The following RCC2 variants were observed in gnomAD, a reference collection of about 807,000 sequenced individuals.
RCC2 encodes regulator of chromosome condensation 2, also known as protein RCC2.
A neutral mutation model predicts 64.1 loss-of-function variants in RCC2; 19 were observed. The ratio of observed to expected loss-of-function variants is 0.30; its 90% confidence interval spans 0.21 to 0.44. The LOEUF (loss-of-function observed/expected upper bound fraction) is 0.44, where lower values mean the gene tolerates loss of function less well. Ranked by LOEUF, RCC2 falls within the 20% of genes least tolerant of loss-of-function variation. The pLI, the probability that RCC2 is intolerant of heterozygous loss-of-function variation, is 1.00. For synonymous variants in RCC2, 325 were observed against 279.6 expected (o/e 1.16, Z -1.62); for missense variants, 508 against 710.4 (o/e 0.72, Z 3.24).
At chr1:17,426,243 C>T (rs978342463) in intron 3 of RCC2, among the ~76,000 whole-genome samples, 2 of 152,090 alleles carry the variant, frequency 1.3e-5, no homozygotes, top group African/African-American at 2.4e-5. Flanking sequence ...AGGGGTGACC[C>T]GAGTGTCCTG....
chr1:17,433,092 G>C (rs1021061248), intron 2 of RCC2, among the ~76,000 whole-genome samples: 3 of 151,942 alleles, frequency 2.0e-5, no homozygotes, highest in African/African-American at 7.3e-5. Flanking sequence ...GAAAAACCCC[G>C]GTAAACTGAG....
In RCC2 at chr1:17,408,960, G is replaced by C. The variant is rs371432830; in HGVS notation, c.*130C>G. The C allele has an allele frequency of 8.7e-5, 63 of 727,084 alleles. No homozygotes were observed. Among genetic ancestry groups the C allele is most frequent in the East Asian group, 3.2e-4 (13 of 40,676 alleles). 45.0% of individuals were successfully genotyped at this position (727,084 alleles called of 1,614,324 possible). ...ATCATGTGTAAAACGGAACCTCAGGGAGTCTAAACAAAAATGCACCTTCGG... is the reference window on the plus strand; with the variant it reads ...ATCATGTGTAAAACGGAACCTCAGGCAGTCTAAACAAAAATGCACCTTCGG... On this transcript the variant is annotated 3_prime_UTR_variant, in exon 13 of 13. Coordinates refer to ENST00000375436, the MANE Select transcript of RCC2 (RefSeq NM_018715.4).
At chr1:17,413,801 T>A (rs1241949916) in intron 8 of RCC2, 84 bp from the exon 9 acceptor site, 1 of 1,236,762 alleles carries the variant, frequency 8.1e-7, no homozygotes, top group East Asian at 2.3e-5. Context: ...GCAGACAACC[T>A]GGTGCAAATG....
chr1:17,432,628 G>C (rs2100392772), intron 2 of RCC2, among the ~76,000 whole-genome samples: 1 of 152,366 alleles, frequency 6.6e-6, no homozygotes, highest in South Asian at 2.1e-4. Context: ...GCTCCATCAG[G>C]CCAGAGGGCA....
chr1:17,436,506 CA>C (rs1406614709), intron 2 of RCC2, among the ~76,000 whole-genome samples: 7 of 146,896 alleles, frequency 4.8e-5, no homozygotes, highest in Non-Finnish European at 9.0e-5. Context: ...GACTCTGCCT[CA>C]AAAAAAAAAG....
At chr1:17,429,531 G>A (rs2075652002) in intron 2 of RCC2, among the ~76,000 whole-genome samples, 1 of 152,146 alleles carries the variant, frequency 6.6e-6, no homozygotes, top group African/African-American at 2.4e-5. Context: ...GGTATTTGCA[G>A]GAAGCCTGCC....
chr1:17,423,913 G>A (rs1174577812), intron 4 of RCC2, among the ~76,000 whole-genome samples: 1 of 152,236 alleles, frequency 6.6e-6, no homozygotes, highest in Non-Finnish European at 1.5e-5. Context: ...TCTGACTACA[G>A]AAGGAATTGC....
At chr1:17,423,598 G>A (rs1478477768) in intron 4 of RCC2, among the ~76,000 whole-genome samples, 2 of 152,272 alleles carry the variant, frequency 1.3e-5, no homozygotes, top group African/African-American at 4.8e-5. Context: ...TGGAAGTTGG[G>A]TGGGCCAAAA....
Position 17,438,227 on chromosome 1 carries a change from C to A in RCC2, c.285+3G>T. 7.7e-7 allele frequency: 1 copy of A among 1,298,858 alleles called. No individual in the cohort carries two copies. Among genetic ancestry groups the A allele is most frequent in the African/African-American group, 1.6e-5 (1 of 63,784 alleles). 80.5% of individuals were successfully genotyped at this position (1,298,858 alleles called of 1,614,324 possible). ...CCACCCGTCTACCCTGACCCTCACT[C>A]ACGACGCGCTCCTTGGTGTGCTCGG... On this transcript the variant is annotated splice_donor_region_variant and intron_variant, in intron 2 of 12. Coordinates refer to ENST00000375436, the MANE Select transcript of RCC2 (RefSeq NM_018715.4).
Position 17,423,139 on chromosome 1 carries a change from A to G in RCC2, c.524-303T>C, listed in dbSNP as rs3829721. 5.8e-3 allele frequency among the ~76,000 whole-genome samples: 877 copies of G among 152,288 alleles called. 31 individuals carry two copies. In the East Asian group the frequency reaches 0.092, roughly 16 times the overall value. On this transcript the variant is annotated intron_variant, in intron 4 of 12. Coordinates refer to ENST00000375436, the MANE Select transcript of RCC2 (RefSeq NM_018715.4). ...TCAGTGTGGTAGGGACACCATGCAC[A>G]GGCGGGCATGCTCGCAGAAACACGC...
intron 6 of RCC2, 101 bp from the exon 7 acceptor site, chr1:17,420,929 G>A: frequency 1.4e-6 from 1 of 737,900 alleles, no homozygotes; most frequent in Non-Finnish European, 2.2e-6. Flanking sequence ...GTTACAAACG[G>A]AAGTTTAATA....
intron 7 of RCC2, among the ~76,000 whole-genome samples, chr1:17,420,276 A>AG (rs908679098): frequency 2.6e-5 from 4 of 152,148 alleles, no homozygotes; most frequent in Non-Finnish European, 4.4e-5. Flanking sequence ...ACGCACGGGG[A>AG]GGGGGTCCAC....
At chr1:17,418,867 C>T (rs2075520048) in intron 7 of RCC2, among the ~76,000 whole-genome samples, 1 of 152,172 alleles carries the variant, frequency 6.6e-6, no homozygotes, top group Non-Finnish European at 1.5e-5. Context: ...TATTTGCTAT[C>T]GACACAGTGG....
At position 17,408,750 on chromosome 1, in the gene RCC2, T is replaced by G; in HGVS notation, c.*340A>C. The G allele has an allele frequency of 4.6e-6, 1 of 216,620 alleles. No homozygotes were observed. The highest frequency in any genetic ancestry group is 5.3e-5 in the Admixed American group (1 of 18,938). The allele number at this position is 216,620 out of a possible 1,614,324, so 13.4% of individuals were successfully genotyped here. On this transcript the variant is annotated 3_prime_UTR_variant, in exon 13 of 13. Transcript: ENST00000375436. ...GCTAATTGTAACTGGAAAGGGGTGT[T>G]TTGGGGAGTGTATTCAGGAGAGGAA...
chr1:17,414,183 G>C lies in RCC2; in HGVS notation c.1027-466C>G, dbSNP rs16826881. 5.8e-3 allele frequency among the ~76,000 whole-genome samples: 880 copies of C among 152,218 alleles called. 10 individuals are homozygous for C. Among genetic ancestry groups the C allele is most frequent in the African/African-American group, 0.02 (819 of 41,516 alleles). On this transcript the variant is annotated intron_variant, in intron 8 of 12. Coordinates refer to ENST00000375436, the MANE Select transcript of RCC2 (RefSeq NM_018715.4). ...CAAGTCTTAACCCTTTCCTTAATCA[G>C]AAGCAACAGGGCTATGTCTCCTGAG...
At chr1:17,429,232 T>G (rs1350177311) in intron 2 of RCC2, 33 bp from the exon 3 acceptor site, 1 of 1,536,284 alleles carries the variant, frequency 6.5e-7, no homozygotes. Context: ...AAAGAATTAG[T>G]GTGTAAGTCT....
At chr1:17,419,234 C>T (rs1345503952) in intron 7 of RCC2, among the ~76,000 whole-genome samples, 1 of 152,186 alleles carries the variant, frequency 6.6e-6, no homozygotes, top group African/African-American at 2.4e-5. Flanking sequence ...CAGCGGGCGC[C>T]TGTAGTCCCA....
chr1:17,422,209 G>A lies in RCC2; in HGVS notation c.738C>T (p.Pro246=), dbSNP rs374421061. The change falls in exon 6 of 13, where the codon CCC becomes CCT. Residue 246 remains proline (P), a synonymous_variant. Transcript: ENST00000375436. The part of the protein sequence containing the change: ...LGNQTDAVPS[P]AQIMYNGQPI... Reference sequence around the variant, plus strand: ...GGAGCTGAGGAGGGGTCACCTGCGCGGGGCTGGGAACAGCGTCTGTCTGGT... The same window carrying A: ...GGAGCTGAGGAGGGGTCACCTGCGCAGGGCTGGGAACAGCGTCTGTCTGGT... 21 of 1,609,156 alleles carry A rather than the reference G, an allele frequency of 1.3e-5. No individual in the cohort carries two copies. The highest frequency in any genetic ancestry group is 4.5e-5 in the East Asian group (2 of 44,780).
chr1:17,425,569 G>A lies in RCC2; in HGVS notation c.495C>T (p.Ile165=), dbSNP rs2075606035. 6.2e-7 allele frequency: 1 copy of A among 1,613,590 alleles called. No individual in the cohort carries two copies. ...SGSCAAHSLL[I]TTEGKLWSWG... is the part of the protein sequence containing the mutation. The stretch of plus-strand genomic sequence containing the variant: ...AGCTCCACAGCTTCCCTTCCGTGGT[G>A]ATGAGGAGGCTGTGTGCAGCACACG... Residue 165 remains isoleucine, a synonymous_variant, in exon 4 of 13, where the codon ATC becomes ATT. Transcript: ENST00000375436.
Sources: allele counts gnomAD v4.1 joint callset (sites outside exome capture counted in the v4.1 genomes callset), GRCh38; gene constraint gnomAD v4.1.1; transcripts MANE v1.5; gene names NCBI Gene and HGNC (gene_info 2026-07-23, HGNC 2026-07-21).